RIMS4: variants seen among roughly 807,000 people sequenced by gnomAD.
RIMS4 encodes regulating synaptic membrane exocytosis 4, also known as regulating synaptic membrane exocytosis protein 4.
A neutral mutation model predicts 29.0 loss-of-function variants in RIMS4; 9 were observed. The ratio of observed to expected loss-of-function variants is 0.31; its 90% CI spans 0.19 to 0.54. The LOEUF is 0.54. RIMS4 is among the 20% of genes least tolerant of loss of function. RIMS4 has a pLI of 0.94. For missense variants in RIMS4, 193 were observed against 365.7 expected (o/e 0.53, Z 3.85); for synonymous variants, 130 against 152.9 (o/e 0.85, Z 1.10).
At chr20:44,800,871 C>T (rs767885595) in intron 1 of RIMS4, among the ~76,000 whole-genome samples, 5 of 152,228 alleles carry the variant, frequency 3.3e-5, no homozygotes, top group African/African-American at 4.8e-5. Context: ...ACAGTAAACA[C>T]CACATACCTA....
At chr20:44,785,230 C>CTTTT (rs530864017) in intron 1 of RIMS4, among the ~76,000 whole-genome samples, 1 of 142,904 alleles carries the variant, frequency 7.0e-6, no homozygotes, top group Non-Finnish European at 1.5e-5. Context: ...CATTCTTCTT[C>CTTTT]TTTTTTTTTT....
intron 1 of RIMS4, among the ~76,000 whole-genome samples, chr20:44,802,046 A>C (rs2066279631): frequency 6.6e-6 from 1 of 152,164 alleles, no homozygotes; most frequent in African/African-American, 2.4e-5. Context: ...ACTAAATAAA[A>C]GACTCTGGGT....
chr20:44,762,779 C>T (rs1031348251), intron 2 of RIMS4, among the ~76,000 whole-genome samples: 6 of 152,138 alleles, frequency 3.9e-5, no homozygotes, highest in African/African-American at 1.4e-4. Context: ...CCTACTAGGC[C>T]AGAAATCCAA....
intron 1 of RIMS4, among the ~76,000 whole-genome samples, chr20:44,798,686 C>T (rs896154138): frequency 1.3e-5 from 2 of 152,214 alleles, no homozygotes; most frequent in Admixed American, 1.3e-4. Flanking sequence ...GTTATGCCCT[C>T]GGGGGACTAC....
intron 2 of RIMS4, among the ~76,000 whole-genome samples, chr20:44,764,238 T>TATC: frequency 7.8e-6 from 1 of 127,458 alleles, no homozygotes; most frequent in Non-Finnish European, 1.6e-5. Context: ...GTCCATCCAT[T>TATC]CATCCATCCA....
intron 2 of RIMS4, among the ~76,000 whole-genome samples, chr20:44,760,703 C>G (rs549119636): frequency 6.6e-6 from 1 of 152,322 alleles, no homozygotes; most frequent in African/African-American, 2.4e-5. Flanking sequence ...TCCATTCATT[C>G]AACCAACAAA....
chr20:44,762,371 C>T (rs576239442), intron 2 of RIMS4, among the ~76,000 whole-genome samples: 16 of 152,290 alleles, frequency 1.1e-4, no homozygotes, highest in African/African-American at 3.1e-4. Context: ...CTTTTCCACC[C>T]TACCCTCCCA....
At chr20:44,777,633 A>G (rs1286191045) in intron 1 of RIMS4, among the ~76,000 whole-genome samples, 1 of 152,098 alleles carries the variant, frequency 6.6e-6, no homozygotes, top group Non-Finnish European at 1.5e-5. Context: ...TATACTCTTA[A>G]CCACGAGACC....
intron 1 of RIMS4, among the ~76,000 whole-genome samples, chr20:44,778,518 AT>A (rs1376946274): frequency 6.6e-6 from 1 of 152,040 alleles, no homozygotes; most frequent in Admixed American, 6.6e-5. Flanking sequence ...TCTATAAAAA[AT>A]TTGAAAATTA....
chr20:44,796,121 C>A (rs192467353), intron 1 of RIMS4, among the ~76,000 whole-genome samples: 2 of 151,070 alleles, frequency 1.3e-5, no homozygotes, highest in Admixed American at 6.6e-5. Context: ...ACTTGGCCAA[C>A]GCTACTCACA....
intron 2 of RIMS4, 138 bp from the exon 3 acceptor site, chr20:44,758,322 G>C: frequency 1.6e-6 from 1 of 625,532 alleles, no homozygotes; most frequent in Non-Finnish European, 2.8e-6. Context: ...CCCAGTATCT[G>C]GCTCATGTGG....
chr20:44,783,742 T>C (rs1250313233), intron 1 of RIMS4, among the ~76,000 whole-genome samples: 1 of 152,236 alleles, frequency 6.6e-6, no homozygotes, highest in Non-Finnish European at 1.5e-5. Flanking sequence ...TCATCTCTTC[T>C]ATGACTCTAC....
At chr20:44,776,106 C>A (rs1428505376) in intron 1 of RIMS4, among the ~76,000 whole-genome samples, 1 of 151,944 alleles carries the variant, frequency 6.6e-6, no homozygotes, top group Non-Finnish European at 1.5e-5. Flanking sequence ...TAGCGAAACC[C>A]CACCTCTACA....
At chr20:44,797,716 C>T (rs2066261049) in intron 1 of RIMS4, among the ~76,000 whole-genome samples, 1 of 152,138 alleles carries the variant, frequency 6.6e-6, no homozygotes. Context: ...TACAGACGAG[C>T]CCTAATTTAA....
intron 2 of RIMS4, among the ~76,000 whole-genome samples, chr20:44,764,120 A>T (rs1319008723): frequency 7.1e-6 from 1 of 140,730 alleles, no homozygotes; most frequent in Non-Finnish European, 1.6e-5. Context: ...CCATTTATCC[A>T]TCCATCCATC....
At chr20:44,772,003 C>T (rs946350998) in intron 1 of RIMS4, among the ~76,000 whole-genome samples, 5 of 152,128 alleles carry the variant, frequency 3.3e-5, no homozygotes, top group African/African-American at 7.2e-5. Context: ...GAGGACTACT[C>T]GCACTGAAAC....
rs960682383 is a variant in RIMS4, at chr20:44,756,504, G to A, written c.592-152C>T. The A allele has an allele frequency of 1.8e-5, 12 of 657,856 alleles. No homozygotes were observed. The highest frequency in any genetic ancestry group is 9.0e-5 in the African/African-American group (5 of 55,672). The allele number at this position is 657,856 out of a possible 1,614,324, so 40.8% of individuals were successfully genotyped here. ...TTCCTCAACAGGCCTTTCTTATCACGGGGCATCACACCAAGCCCCTGGCCT... is the reference window on the plus strand; with the variant it reads ...TTCCTCAACAGGCCTTTCTTATCACAGGGCATCACACCAAGCCCCTGGCCT... On this transcript the variant is annotated intron_variant, in intron 5 of 5. Coordinates refer to ENST00000372851, the MANE Select transcript of RIMS4 (RefSeq NM_182970.4). This position sits in a 1 kb window ranked among gnomAD's most constrained non-coding sequence, Gnocchi z 5.9.
intron 1 of RIMS4, among the ~76,000 whole-genome samples, chr20:44,801,900 G>A (rs2066278994): frequency 6.6e-6 from 1 of 152,136 alleles, no homozygotes; most frequent in Admixed American, 6.6e-5. Flanking sequence ...ACGTTGGCAA[G>A]ACCCCTTCAG....
intron 1 of RIMS4, among the ~76,000 whole-genome samples, chr20:44,794,825 A>G (rs2066247735): frequency 6.6e-6 from 1 of 152,166 alleles, no homozygotes; most frequent in African/African-American, 2.4e-5. Flanking sequence ...AGATGGTCAG[A>G]TCTGTCTGGG....
Sources: allele counts gnomAD v4.1 joint callset (sites outside exome capture counted in the v4.1 genomes callset), GRCh38; gene constraint gnomAD v4.1.1; non-coding constraint Gnocchi (gnomAD v3.1); transcripts MANE v1.5; gene names NCBI Gene and HGNC (gene_info 2026-07-23, HGNC 2026-07-21).